PRLR: variants seen among roughly 807,000 people sequenced by gnomAD.
PRLR encodes prolactin receptor, also known as hPRL receptor.
PRLR carries 13 observed loss-of-function variants against 40.2 expected under a neutral mutation model. The ratio of observed to expected loss-of-function variants is 0.32; its 90% CI spans 0.21 to 0.51. The LOEUF (loss-of-function observed/expected upper bound fraction) is 0.51, where lower values mean the gene tolerates loss of function less well. Among genes scored for constraint, PRLR ranks in the 20% least tolerant of loss-of-function variants. The probability of loss-of-function intolerance (pLI) is 0.97; values close to 1 mark genes in which losing one functional copy is unlikely to be tolerated. For synonymous variants in PRLR, 269 were observed against 278.7 expected (o/e 0.97, Z 0.35); for missense variants, 656 against 747.3 (o/e 0.88, Z 1.42).
intron 3 of PRLR, among the ~76,000 whole-genome samples, chr5:35,089,246 T>C (rs1275173970): frequency 4.6e-5 from 7 of 152,216 alleles, no homozygotes; most frequent in African/African-American, 1.7e-4. Context: ...TAATTGGCTC[T>C]AGGTCACACA....
intron 1 of PRLR, among the ~76,000 whole-genome samples, chr5:35,173,528 T>C (rs953853226): frequency 6.6e-6 from 1 of 152,184 alleles, no homozygotes; most frequent in African/African-American, 2.4e-5. Flanking sequence ...AAGACTGACC[T>C]GAAGTCCAGG....
At chr5:35,163,074 T>C (rs1288812571) in intron 1 of PRLR, among the ~76,000 whole-genome samples, 1 of 152,022 alleles carries the variant, frequency 6.6e-6, no homozygotes, top group African/African-American at 2.4e-5. Context: ...CCACAGAAGT[T>C]TGCTCTGCTG....
intron 1 of PRLR, among the ~76,000 whole-genome samples, chr5:35,186,506 G>A (rs1775437226): frequency 6.6e-6 from 1 of 152,216 alleles, no homozygotes; most frequent in African/African-American, 2.4e-5. Flanking sequence ...TCTTCACCCA[G>A]AGAAGGCATT....
chr5:35,104,321 G>A (rs1235528985), intron 2 of PRLR, among the ~76,000 whole-genome samples: 2 of 152,124 alleles, frequency 1.3e-5, no homozygotes, highest in African/African-American at 4.8e-5. Context: ...TGCAGAAGAC[G>A]GGTGATTTCT....
Position 35,140,972 on chromosome 5 carries a change from T to A in PRLR, c.-105-22850A>T, listed in dbSNP as rs527767971. ...CATCTAGGGGTGGCCTATGACATAG[T>A]TCTGGCCAATAAGATTTAAATAAAT... On this transcript the variant is annotated intron_variant, in intron 1 of 9. Coordinates refer to ENST00000618457, the MANE Select transcript of PRLR (RefSeq NM_000949.7). Among the ~76,000 whole-genome samples, 3 of 152,256 alleles carry A rather than the reference T, an allele frequency of 2.0e-5. No homozygotes were observed. In the East Asian group the frequency reaches 5.8e-4, roughly 29 times the overall value.
chr5:35,207,592 C>T (rs1776054573), intron 1 of PRLR, among the ~76,000 whole-genome samples: 1 of 150,414 alleles, frequency 6.6e-6, no homozygotes, highest in African/African-American at 2.4e-5. Context: ...AACACATTCC[C>T]AATCAAATTA....
chr5:35,083,612 TG>T (rs1770667578), intron 5 of PRLR, among the ~76,000 whole-genome samples: 2 of 151,390 alleles, frequency 1.3e-5, no homozygotes, highest in South Asian at 4.2e-4. Context: ...CTCCACCTCC[TG>T]GGTTCAAGCA....
At position 35,058,269 on chromosome 5, in the gene PRLR, A is replaced by C. The variant is rs2112339842; in HGVS notation, c.*6820T>G. The stretch of plus-strand genomic sequence containing the variant: ...GTAGTGGTAGCTTTGAAAATGTGGA[A>C]CCTTATGCTATTATGTATAACTTCA... On this transcript the variant is annotated 3_prime_UTR_variant, in exon 10 of 10. Coordinates refer to ENST00000618457, the MANE Select transcript of PRLR (RefSeq NM_000949.7). 6.6e-6 allele frequency: 1 copy of C among 152,214 alleles called. No individual in the cohort carries two copies. The highest frequency in any genetic ancestry group is 2.1e-4 in the South Asian group (1 of 4,814). The allele number at this position is 152,214 out of a possible 1,614,324, so 9.4% of individuals were successfully genotyped here.
intron 5 of PRLR, among the ~76,000 whole-genome samples, chr5:35,074,658 C>A (rs1340444760): frequency 6.6e-6 from 1 of 151,826 alleles, no homozygotes; most frequent in Non-Finnish European, 1.5e-5. Flanking sequence ...TGTTACAGAA[C>A]TAGATAGTGG....
At chr5:35,221,829 A>C (rs923616241) in intron 1 of PRLR, among the ~76,000 whole-genome samples, 1 of 152,222 alleles carries the variant, frequency 6.6e-6, no homozygotes, top group Admixed American at 6.5e-5. Context: ...GAGACAGAGA[A>C]AAGAAAACCC....
intron 1 of PRLR, among the ~76,000 whole-genome samples, chr5:35,209,595 T>C (rs1776117408): frequency 1.3e-5 from 2 of 152,210 alleles, no homozygotes; most frequent in Admixed American, 6.5e-5. Flanking sequence ...ATTATGTCTA[T>C]GGAATTCCTA....
At chr5:35,134,708 A>G (rs1166118551) in intron 1 of PRLR, among the ~76,000 whole-genome samples, 21 of 152,214 alleles carry the variant, frequency 1.4e-4, no homozygotes, top group Admixed American at 1.4e-3. Flanking sequence ...ACTGGTGGAA[A>G]AGTAAAGTGG....
At chr5:35,052,741 C>T (rs114900067), downstream of PRLR, among the ~76,000 whole-genome samples, 2,484 of 152,244 alleles carry the variant, frequency 0.016, 21 homozygotes, top group Non-Finnish European at 0.025. Context: ...GGGTCCTGCC[C>T]CATACCCAGA....
At chr5:35,070,397 T>C in intron 6 of PRLR, 132 bp from the exon 7 acceptor site, 1 of 968,106 alleles carries the variant, frequency 1.0e-6, no homozygotes, top group Non-Finnish European at 1.5e-6. Flanking sequence ...ACTACTCCAC[T>C]GTCTTAGCCC....
intron 1 of PRLR, among the ~76,000 whole-genome samples, chr5:35,134,285 GC>G: frequency 6.6e-6 from 1 of 152,244 alleles, no homozygotes; most frequent in East Asian, 1.9e-4. Flanking sequence ...GATTTACTGA[GC>G]AGCTGAGATG....
intron 5 of PRLR, chr5:35,081,887 G>A: frequency 5.3e-6 from 1 of 190,092 alleles, no homozygotes; most frequent in Non-Finnish European, 1.1e-5. Context: ...TCTACTTTTG[G>A]GGCTGGCATC....
intron 2 of PRLR, among the ~76,000 whole-genome samples, chr5:35,090,767 G>A (rs535303983): frequency 6.8e-4 from 100 of 146,910 alleles, no homozygotes; most frequent in Non-Finnish European, 1.4e-3. Context: ...AGAGGTTTGG[G>A]CACCCAGGTA....
chr5:35,111,926 C>T (rs1052757400), intron 2 of PRLR, among the ~76,000 whole-genome samples: 3 of 152,112 alleles, frequency 2.0e-5, no homozygotes, highest in East Asian at 3.9e-4. Flanking sequence ...CTATCGTAAT[C>T]GAGGAGGAAA....
chr5:35,136,411 T>C (rs1051696295), intron 1 of PRLR, among the ~76,000 whole-genome samples: 1 of 152,162 alleles, frequency 6.6e-6, no homozygotes, highest in East Asian at 1.9e-4. Flanking sequence ...CTGTGTACTG[T>C]AGGGTGCCTA....
Sources: gnomAD v4.1 joint callset for allele counts (sites outside exome capture counted in the v4.1 genomes callset) on GRCh38, gnomAD v4.1.1 for gene constraint, MANE v1.5 for transcripts, NCBI Gene and HGNC (gene_info 2026-07-23, HGNC 2026-07-21) for gene names.